Variants in SESN1 observed in about 807,000 individuals in gnomAD.
SESN1 encodes sestrin-1.
In SESN1, 30 loss-of-function variants were observed where a neutral mutation model predicts 59.3. The ratio of observed to expected loss-of-function variants is 0.51; its 90% confidence interval spans 0.38 to 0.69. SESN1 has a LOEUF of 0.69. Ranked by LOEUF, SESN1 falls within the 30% of genes least tolerant of loss-of-function variation. SESN1 has a pLI of 0.00. For missense variants in SESN1, 566 were observed against 673.0 expected (o/e 0.84, Z 1.76); for synonymous variants, 197 against 219.9 (o/e 0.90, Z 0.92).
At chr6:109,041,581 A>C (rs1266423580) in intron 1 of SESN1, among the ~76,000 whole-genome samples, 2 of 152,212 alleles carry the variant, frequency 1.3e-5, no homozygotes, top group Non-Finnish European at 2.9e-5. Flanking sequence ...ACTTCAGAGC[A>C]AAGAAAATTA....
intron 1 of SESN1, among the ~76,000 whole-genome samples, chr6:109,042,128 G>A (rs1306652998): frequency 4.6e-5 from 7 of 151,952 alleles, no homozygotes; most frequent in African/African-American, 7.3e-5. Flanking sequence ...AGGAGGTATC[G>A]GGGAGATTTA....
intron 5 of SESN1, among the ~76,000 whole-genome samples, chr6:108,996,904 T>C (rs1162608386): frequency 6.6e-6 from 1 of 152,166 alleles, no homozygotes; most frequent in Non-Finnish European, 1.5e-5. Flanking sequence ...GGAAGAAATT[T>C]AAATGTATAT....
At chr6:109,008,802 C>A in intron 1 of SESN1, 1 of 985,404 alleles carries the variant, frequency 1.0e-6, no homozygotes. Context: ...CAAGAGTAAA[C>A]GCTGTGCATA....
At chr6:109,012,607 A>C (rs1335553881) in intron 1 of SESN1, among the ~76,000 whole-genome samples, 1 of 152,172 alleles carries the variant, frequency 6.6e-6, no homozygotes, top group African/African-American at 2.4e-5. Context: ...GGAAAAAGAC[A>C]CCTGAGCTAC....
intron 1 of SESN1, chr6:109,009,286 T>C (rs1218054736): frequency 1.5e-6 from 2 of 1,335,464 alleles, no homozygotes; most frequent in African/African-American, 3.1e-5. Flanking sequence ...ACCTCCGTGT[T>C]GCACAGGGCA....
intron 1 of SESN1, among the ~76,000 whole-genome samples, chr6:109,079,811 AATG>A (rs1362584628): frequency 1.3e-5 from 2 of 152,342 alleles, no homozygotes; most frequent in Admixed American, 1.3e-4. Flanking sequence ...TTATGATTCT[AATG>A]ATAATTTTCC....
At chr6:109,066,768 A>C (rs565364705) in intron 1 of SESN1, among the ~76,000 whole-genome samples, 1 of 152,178 alleles carries the variant, frequency 6.6e-6, no homozygotes, top group Admixed American at 6.6e-5. Flanking sequence ...TCCCAAAAAG[A>C]AACATGCTGC....
In SESN1 at chr6:108,994,140, TAAAAAAAAAAA is replaced by T. The variant is rs764125940; in HGVS notation, c.1120+311_1120+321del. ...GGCAACAAAGCAAGACCCTGTTTCT[TAAAAAAAAAAA>T]AAAAAAAAAAAAGAGAAAAAAGAGG... On this transcript the variant is annotated intron_variant, in intron 6 of 9. Transcript: ENST00000436639. 1.1e-3 allele frequency among the ~76,000 whole-genome samples: 113 copies of T among 100,268 alleles called. 2 individuals are homozygous for T. Among genetic ancestry groups the T allele is most frequent in the Non-Finnish European group, 2.0e-4 (10 of 49,138 alleles). 65.8% of individuals were successfully genotyped at this position (100,268 alleles called of 152,430 possible). A position where few individuals can be genotyped will look rare whatever the true frequency, so the allele number is the denominator to read the frequency against.
At chr6:109,093,664 A>G (rs1781385481) in intron 1 of SESN1, 131 bp downstream of exon 1, 1 of 890,504 alleles carries the variant, frequency 1.1e-6, no homozygotes, top group Admixed American at 3.0e-5. Flanking sequence ...TACTTACAGA[A>G]CACTCTAAAG....
intron 1 of SESN1, among the ~76,000 whole-genome samples, chr6:109,035,149 T>C (rs751964360): frequency 2.0e-4 from 30 of 152,110 alleles, no homozygotes; most frequent in Non-Finnish European, 3.2e-4. Context: ...AACCTGTCTT[T>C]TACCCCCAAC....
At chr6:108,991,234 T>C (rs932982335) in intron 7 of SESN1, among the ~76,000 whole-genome samples, 3 of 142,366 alleles carry the variant, frequency 2.1e-5, no homozygotes, top group Non-Finnish European at 4.4e-5. Context: ...TATGAGTGTG[T>C]GTGTGTGTGT....
intron 1 of SESN1, among the ~76,000 whole-genome samples, chr6:109,030,815 ATC>A (rs1780171469): frequency 1.3e-5 from 2 of 152,224 alleles, no homozygotes; most frequent in Admixed American, 1.3e-4. Flanking sequence ...TGTAAGATGT[ATC>A]TCATTATTCC....
chr6:109,045,948 C>CAT (rs1780424654), intron 1 of SESN1, among the ~76,000 whole-genome samples: 1 of 152,152 alleles, frequency 6.6e-6, no homozygotes, highest in African/African-American at 2.4e-5. Flanking sequence ...ATTTTGAACC[C>CAT]ATATGGGCTG....
chr6:109,033,854 C>G (rs544114125), intron 1 of SESN1, among the ~76,000 whole-genome samples: 1 of 152,248 alleles, frequency 6.6e-6, no homozygotes, highest in East Asian at 1.9e-4. Context: ...TTGATTCCAG[C>G]CATGTTTCTG....
intron 1 of SESN1, among the ~76,000 whole-genome samples, chr6:109,082,008 T>C (rs1364049352): frequency 2.0e-5 from 3 of 152,146 alleles, no homozygotes; most frequent in East Asian, 1.9e-4. Flanking sequence ...GAGTATTCGG[T>C]TGCTTACTGG....
chr6:108,988,975 T>C (rs1481621614), intron 8 of SESN1, among the ~76,000 whole-genome samples: 1 of 152,112 alleles, frequency 6.6e-6, no homozygotes, highest in Non-Finnish European at 1.5e-5. Flanking sequence ...ATAGTGTATA[T>C]CTGCAATCAT....
intron 2 of SESN1, 57 bp from the exon 3 acceptor site, chr6:109,001,545 A>G: frequency 7.1e-7 from 1 of 1,417,182 alleles, no homozygotes; most frequent in Middle Eastern, 1.8e-4. Context: ...TTAAGGGAAG[A>G]AAATATACAT....
At chr6:109,030,078 T>C (rs763369281) in intron 1 of SESN1, among the ~76,000 whole-genome samples, 1 of 152,170 alleles carries the variant, frequency 6.6e-6, no homozygotes. Flanking sequence ...AACTTGGCCA[T>C]AGCTTTTCGA....
At chr6:109,016,226 A>C (rs1461309499) in intron 1 of SESN1, among the ~76,000 whole-genome samples, 1 of 152,218 alleles carries the variant, frequency 6.6e-6, no homozygotes, top group African/African-American at 2.4e-5. Context: ...AAACAAACCA[A>C]TGACAATATT....
Sources: allele counts gnomAD v4.1 joint callset (sites outside exome capture counted in the v4.1 genomes callset), GRCh38; gene constraint gnomAD v4.1.1; transcripts MANE v1.5; gene names NCBI Gene and HGNC (gene_info 2026-07-23, HGNC 2026-07-21).